ASIC2: variants seen among roughly 807,000 people sequenced by gnomAD.
The protein encoded by ASIC2 is acid-sensing ion channel 2.
In ASIC2, 25 loss-of-function variants were observed where a neutral mutation model predicts 57.3. The observed-to-expected ratio is 0.44, with a 90% CI of 0.32 to 0.61. ASIC2 has a LOEUF of 0.61. Ranked by LOEUF, ASIC2 falls within the 20% of genes least tolerant of loss-of-function variation. The pLI, the probability that ASIC2 is intolerant of heterozygous loss-of-function variation, is 0.06. For synonymous variants in ASIC2, 319 were observed against 307.5 expected, an observed-to-expected ratio of 1.04 and a Z score of -0.39; for missense variants, 641 against 738.1, an observed-to-expected ratio of 0.87 and a Z score of 1.52.
intron 1 of ASIC2, among the ~76,000 whole-genome samples, chr17:34,053,384 G>A (rs1908641094): frequency 6.6e-6 from 1 of 152,136 alleles, no homozygotes; most frequent in South Asian, 2.1e-4. Context: ...GGTGGGTGGT[G>A]GCTGTTTATT....
chr17:33,437,978 A>C (rs1419812664), intron 1 of ASIC2, among the ~76,000 whole-genome samples: 1 of 152,190 alleles, frequency 6.6e-6, no homozygotes, highest in Non-Finnish European at 1.5e-5. Context: ...AGAAAGAGCT[A>C]AGTAATAAAA....
At chr17:33,267,596 C>T (rs978410456) in intron 1 of ASIC2, among the ~76,000 whole-genome samples, 1 of 152,186 alleles carries the variant, frequency 6.6e-6, no homozygotes, top group African/African-American at 2.4e-5. Flanking sequence ...AGAGCCCAAA[C>T]CCCAAAGGTG....
chr17:33,610,582 C>T (rs1193930465), intron 1 of ASIC2, among the ~76,000 whole-genome samples: 1 of 151,988 alleles, frequency 6.6e-6, no homozygotes, highest in East Asian at 1.9e-4. Context: ...TTGGAAGGTA[C>T]ACCATACAAA....
chr17:33,496,468 T>C (rs1431538495), intron 1 of ASIC2, among the ~76,000 whole-genome samples: 2 of 152,114 alleles, frequency 1.3e-5, no homozygotes, highest in Non-Finnish European at 2.9e-5. Context: ...TCTAATGTTA[T>C]AAAGTTTAGG....
intron 1 of ASIC2, among the ~76,000 whole-genome samples, chr17:33,595,486 T>C (rs930844845): frequency 1.2e-4 from 18 of 152,246 alleles, no homozygotes; most frequent in Non-Finnish European, 2.1e-4. Context: ...TTCCCACTTA[T>C]GTAGCCTTTA....
At chr17:33,287,365 A>G (rs1039947768) in intron 1 of ASIC2, among the ~76,000 whole-genome samples, 1 of 152,194 alleles carries the variant, frequency 6.6e-6, no homozygotes, top group Non-Finnish European at 1.5e-5. Context: ...AGAGGACCTC[A>G]GATTGGCCTC....
chr17:33,501,788 A>G lies in ASIC2; in HGVS notation c.556-389721T>C, dbSNP rs147760195. Among the ~76,000 whole-genome samples the G allele has an allele frequency of 1.2e-3, 178 of 152,242 alleles. 2 individuals carry two copies. Among genetic ancestry groups the G allele is most frequent in the African/African-American group, 4.2e-3 (173 of 41,550 alleles). Reference sequence around the variant, plus strand: ...CTTCCTTTTCATAAAAGGCCATCCTAAAGAATTAGTTCCTCAGTACCTAAA... The same window carrying G: ...CTTCCTTTTCATAAAAGGCCATCCTGAAGAATTAGTTCCTCAGTACCTAAA... On this transcript the variant is annotated intron_variant, in intron 1 of 9. Coordinates refer to the ASIC2 transcript ENST00000359872.
At chr17:33,723,939 T>C (rs1469925679) in intron 1 of ASIC2, among the ~76,000 whole-genome samples, 3 of 152,130 alleles carry the variant, frequency 2.0e-5, no homozygotes, top group Non-Finnish European at 4.4e-5. Flanking sequence ...ATGCAGGACT[T>C]TACAGGAATA....
chr17:33,500,460 A>C (rs8064773), intron 1 of ASIC2, among the ~76,000 whole-genome samples: 20,595 of 152,228 alleles, frequency 0.14, 1,874 homozygotes, highest in African/African-American at 0.26. Flanking sequence ...GGCCTGGGAC[A>C]GGCCTACAAG....
chr17:34,099,327 A>AAGGGAGGGAAGAGAGGG (rs1910715815), intron 1 of ASIC2, among the ~76,000 whole-genome samples: 1 of 148,256 alleles, frequency 6.7e-6, no homozygotes, highest in African/African-American at 2.5e-5. Context: ...GGAAAGAAAG[A>AAGGGAGGGAAGAGAGGG]AGGGAGGGAA....
At chr17:33,110,224 T>A (rs1385918321) in intron 2 of ASIC2, among the ~76,000 whole-genome samples, 1 of 152,154 alleles carries the variant, frequency 6.6e-6, no homozygotes, top group Non-Finnish European at 1.5e-5. Context: ...ACAGATTAGA[T>A]TAATCATATA....
intron 1 of ASIC2, among the ~76,000 whole-genome samples, chr17:33,611,896 G>A (rs1373949383): frequency 6.6e-6 from 1 of 152,224 alleles, no homozygotes; most frequent in Admixed American, 6.5e-5. Context: ...GGCTCATGCA[G>A]TTATAGAGGC....
At chr17:34,046,630 T>C (rs1597992100) in intron 1 of ASIC2, among the ~76,000 whole-genome samples, 1 of 152,164 alleles carries the variant, frequency 6.6e-6, no homozygotes, top group East Asian at 1.9e-4. Context: ...CACCAGTACC[T>C]ACCCCAACTC....
rs145534500 is a variant in ASIC2, at chr17:34,117,182, T to A, written c.555+38796A>T. Reference sequence around the variant, plus strand: ...TAACCAACAGTCTTTATATAACATCTATATGGGCTACACAGTATACTAGGG... The same window carrying A: ...TAACCAACAGTCTTTATATAACATCAATATGGGCTACACAGTATACTAGGG... On this transcript the variant is annotated intron_variant, in intron 1 of 9. Coordinates refer to the ASIC2 transcript ENST00000359872. Among the ~76,000 whole-genome samples, 597 of 152,254 alleles carry A rather than the reference T, an allele frequency of 3.9e-3. 13 individuals are homozygous for A. The highest frequency in any genetic ancestry group is 9.6e-3 in the East Asian group (50 of 5,182).
chr17:33,450,917 A>G (rs1488534629), intron 1 of ASIC2, among the ~76,000 whole-genome samples: 1 of 152,226 alleles, frequency 6.6e-6, no homozygotes, highest in Non-Finnish European at 1.5e-5. Context: ...GCAGAGCTCC[A>G]TGCCAACATA....
At chr17:33,591,893 G>A (rs971503188) in intron 1 of ASIC2, among the ~76,000 whole-genome samples, 3 of 152,126 alleles carry the variant, frequency 2.0e-5, no homozygotes, top group African/African-American at 7.2e-5. Context: ...ACTCACACAA[G>A]AATCCTCATC....
At chr17:33,888,035 C>T (rs1914870860) in intron 1 of ASIC2, among the ~76,000 whole-genome samples, 1 of 152,142 alleles carries the variant, frequency 6.6e-6, no homozygotes, top group Non-Finnish European at 1.5e-5. Context: ...TCAAATCATC[C>T]TAAATCGGGG....
At chr17:33,540,257 C>T (rs1237239754) in intron 1 of ASIC2, among the ~76,000 whole-genome samples, 1 of 152,152 alleles carries the variant, frequency 6.6e-6, no homozygotes, top group Non-Finnish European at 1.5e-5. Context: ...GTCTCTATAA[C>T]CATATTTCCC....
chr17:33,065,369 C>G (rs2092039287), intron 3 of ASIC2, among the ~76,000 whole-genome samples: 1 of 151,144 alleles, frequency 6.6e-6, no homozygotes, highest in South Asian at 2.1e-4. Context: ...GAATTGGGGT[C>G]TCACTATGAT....
Sources: gnomAD v4.1 joint callset for allele counts (sites outside exome capture counted in the v4.1 genomes callset) on GRCh38, gnomAD v4.1.1 for gene constraint, MANE v1.5 for transcripts, NCBI Gene and HGNC (gene_info 2026-07-23, HGNC 2026-07-21) for gene names.